The following PNPT1 variants were observed in gnomAD, a reference collection of about 807,000 sequenced individuals.
The protein encoded by PNPT1 is polyribonucleotide nucleotidyltransferase 1, also known as polyribonucleotide nucleotidyltransferase 1, mitochondrial.
Under a neutral mutation model 119.5 loss-of-function variants are expected in PNPT1, and 53 were observed. The observed-to-expected ratio is 0.44, with a 90% CI of 0.36 to 0.56. PNPT1 has a LOEUF of 0.56. PNPT1 is among the 20% of genes least tolerant of loss of function. The pLI is 0.00. For missense variants in PNPT1, 948 were observed against 938.5 expected (o/e 1.01, Z -0.13); for synonymous variants, 357 against 322.1 (o/e 1.11, Z -1.16).
In PNPT1 at chr2:55,680,771, A is replaced by G. The variant is rs986958744; in HGVS notation, c.518-12T>C. On this transcript the variant is annotated splice_polypyrimidine_tract_variant and intron_variant, in intron 6 of 27. Coordinates refer to ENST00000447944, the MANE Select transcript of PNPT1 (RefSeq NM_033109.5). ...GAGGGCTACGGAAGCTTAAAAAAGG[A>G]GAAAAATCAGGGCCGAAATTAAAAT... 7 of 1,613,440 alleles carry G rather than the reference A, an allele frequency of 4.3e-6. No homozygotes were observed. In the African/African-American group the frequency reaches 8.0e-5, roughly 18 times the overall value.
chr2:55,651,261 C>T lies in PNPT1; in HGVS notation c.1495+3639G>A, dbSNP rs1397348196. Among the ~76,000 whole-genome samples, 41 of 152,014 alleles carry T rather than the reference C, an allele frequency of 2.7e-4. 1 individual carries two copies. Among genetic ancestry groups the T allele is most frequent in the African/African-American group, 9.4e-4 (39 of 41,460 alleles). ...GAGCCCCTCTGCCCGGCCACCACCC[C>T]GTCTGGGAGGTGTGCCCAACAGCTC... is the stretch of plus-strand genomic sequence containing the variant. On this transcript the variant is annotated intron_variant, in intron 18 of 27. Transcript: ENST00000447944.
At chr2:55,678,554 G>A in intron 8 of PNPT1, among the ~76,000 whole-genome samples, 1 of 152,116 alleles carries the variant, frequency 6.6e-6, no homozygotes, top group Non-Finnish European at 1.5e-5. Flanking sequence ...CCTCCTGCCT[G>A]TAAGTCAGAT....
chr2:55,676,616 C>T (rs1697080909), intron 8 of PNPT1, among the ~76,000 whole-genome samples: 1 of 152,090 alleles, frequency 6.6e-6, no homozygotes. Flanking sequence ...AATCCCGGCA[C>T]TTCGGGAGGC....
rs1254933985 is a variant in PNPT1, at chr2:55,636,387, T to G, written c.2202A>C (p.Lys734Asn). The G allele has an allele frequency of 6.2e-7, 1 of 1,613,890 alleles. No homozygotes were observed. The highest frequency in any genetic ancestry group is 2.2e-5 in the East Asian group (1 of 44,876). Residue 734 changes from lysine (K) to asparagine (N), a missense_variant, in exon 28 of 28, where the codon AAA becomes AAC. Coordinates refer to ENST00000447944, the MANE Select transcript of PNPT1 (RefSeq NM_033109.5). The stretch of plus-strand genomic sequence containing the variant: ...CATCGGCTGGGTCACGTCCAAAGTA[T>G]TTCACCTGTGTTAAAGAAACAGATC... Reference protein sequence around the residue: ...GLEVGQEIQVKYFGRDPADGR... With the variant: ...GLEVGQEIQVNYFGRDPADGR...
At chr2:55,660,876 C>T (rs750238962) in intron 14 of PNPT1, among the ~76,000 whole-genome samples, 53 of 152,020 alleles carry the variant, frequency 3.5e-4, no homozygotes, top group Non-Finnish European at 6.3e-4. Context: ...GCTGCACTGT[C>T]GATTCTATCA....
At position 55,673,064 on chromosome 2, in the gene PNPT1, G is replaced by A. The variant is rs995232106; in HGVS notation, c.695C>T (p.Ser232Phe). ...PKSQIVMLEASAENILQQDFC... is the reference protein window; with the variant it reads ...PKSQIVMLEAFAENILQQDFC... ...GTCCTGCTGTAAAATGTTCTCTGCA[G>A]AGGCTTCCAACATGACTATTTAAAG... Residue 232 changes from serine to phenylalanine, a missense_variant, in exon 9 of 28, where the codon TCT becomes TTT. Coordinates refer to ENST00000447944, the MANE Select transcript of PNPT1 (RefSeq NM_033109.5). 5.0e-6 allele frequency: 8 copies of A among 1,598,254 alleles called. No individual in the cohort carries two copies. In the African/African-American group the frequency reaches 1.1e-4, roughly 22 times the overall value.
intron 4 of PNPT1, among the ~76,000 whole-genome samples, chr2:55,684,150 T>C (rs1182923771): frequency 2.0e-5 from 3 of 152,132 alleles, no homozygotes; most frequent in Admixed American, 6.5e-5. Flanking sequence ...CAAAAGAAAA[T>C]GCTTCCTTGC....
chr2:55,646,971 G>A (rs958121864), intron 19 of PNPT1, among the ~76,000 whole-genome samples: 3 of 152,114 alleles, frequency 2.0e-5, no homozygotes, highest in Non-Finnish European at 4.4e-5. Context: ...AAGTAGATGG[G>A]ATTACAGGTG....
intron 1 of PNPT1, among the ~76,000 whole-genome samples, chr2:55,692,370 T>TA: frequency 6.6e-6 from 1 of 152,174 alleles, no homozygotes. Flanking sequence ...TTATCAAAGT[T>TA]AGAGTGCGAG....
At chr2:55,646,143 AAGTTATATGAAATTCCACTTTTT>A in intron 21 of PNPT1, 93 bp downstream of exon 21, 1 of 1,026,106 alleles carries the variant, frequency 9.7e-7, no homozygotes, top group African/African-American at 1.6e-5. Flanking sequence ...TTCTTGATCT[AAGTTATATGAAATTCCACTTTTT>A]AAAGCAATAT....
At chr2:55,652,877 T>C (rs1696254731) in intron 18 of PNPT1, among the ~76,000 whole-genome samples, 1 of 152,068 alleles carries the variant, frequency 6.6e-6, no homozygotes, top group Admixed American at 6.6e-5. Flanking sequence ...TGAGACAGAG[T>C]CACTCTGTTA....
At chr2:55,672,758 G>C (rs896128778) in intron 9 of PNPT1, 135 bp downstream of exon 9, 3 of 774,246 alleles carry the variant, frequency 3.9e-6, no homozygotes, top group Non-Finnish European at 6.0e-6. Context: ...AGATATTTAT[G>C]GGAATGACTC....
rs1408763547 is a variant in PNPT1 at position 55,672,996 on chromosome 2, T to C, written c.763A>G (p.Ile255Val). ...IKVGVKYTQQ[I>V]IQGIQQLVKE... Reference sequence around the variant, plus strand: ...ACCAACTGCTGAATGCCCTGAATTATTTGTTGGGTATATTTCACTCCCACT... The same window carrying C: ...ACCAACTGCTGAATGCCCTGAATTACTTGTTGGGTATATTTCACTCCCACT... The change falls in exon 9 of 28, where the codon ATA becomes GTA. Residue 255 changes from isoleucine (I) to valine (V), a missense_variant. By Grantham distance (29) the Ile-to-Val change is conservative. Coordinates refer to ENST00000447944, the MANE Select transcript of PNPT1 (RefSeq NM_033109.5). The C allele has an allele frequency of 6.2e-7, 1 of 1,613,436 alleles. No individual in the cohort carries two copies. The highest frequency in any genetic ancestry group is 1.3e-5 in the African/African-American group (1 of 74,920).
intron 15 of PNPT1, 53 bp from the exon 16 acceptor site, chr2:55,656,424 C>A: frequency 6.8e-7 from 1 of 1,472,284 alleles, no homozygotes; most frequent in Non-Finnish European, 9.2e-7. Context: ...AGAAAGATGT[C>A]CAAGTTATAT....
intron 1 of PNPT1, among the ~76,000 whole-genome samples, chr2:55,692,455 T>A (rs1387009189): frequency 1.3e-5 from 2 of 152,178 alleles, no homozygotes; most frequent in Non-Finnish European, 2.9e-5. Flanking sequence ...ACGTAAAAAA[T>A]TTAGATATAT....
intron 26 of PNPT1, among the ~76,000 whole-genome samples, chr2:55,637,916 C>T (rs922029613): frequency 6.6e-6 from 1 of 150,610 alleles, no homozygotes. Flanking sequence ...AGGAGAATGG[C>T]GTGAACCCAG....
intron 18 of PNPT1, among the ~76,000 whole-genome samples, chr2:55,651,107 G>C (rs1278105942): frequency 6.7e-6 from 1 of 148,478 alleles, no homozygotes; most frequent in African/African-American, 2.5e-5. Context: ...CAGCCGCCCC[G>C]TCCGGGAGGT....
intron 5 of PNPT1, among the ~76,000 whole-genome samples, chr2:55,682,119 G>C (rs560394325): frequency 7.2e-5 from 11 of 152,198 alleles, no homozygotes; most frequent in Non-Finnish European, 1.5e-4. Context: ...CTCCAGCCTG[G>C]TCGACAGAGC....
intron 18 of PNPT1, among the ~76,000 whole-genome samples, chr2:55,652,990 G>A (rs1420000091): frequency 6.6e-6 from 1 of 152,170 alleles, no homozygotes; most frequent in African/African-American, 2.4e-5. Context: ...TGGGATTACA[G>A]GCGTGGGCCA....
Sources: gnomAD v4.1 joint callset for allele counts (sites outside exome capture counted in the v4.1 genomes callset) on GRCh38, gnomAD v4.1.1 for gene constraint, MANE v1.5 for transcripts, NCBI Gene and HGNC (gene_info 2026-07-23, HGNC 2026-07-21) for gene names.